The following GPR137B variants were observed in gnomAD, a reference collection of about 807,000 sequenced individuals.
The protein encoded by GPR137B is integral membrane protein GPR137B.
Under a neutral mutation model 42.5 loss-of-function variants are expected in GPR137B, and 42 were observed. The observed-to-expected ratio is 0.99, with a 90% CI of 0.77 to 1.28. GPR137B has a LOEUF of 1.28. Among genes scored for constraint, GPR137B ranks in the 50% most tolerant of loss-of-function variants. The probability of loss-of-function intolerance (pLI) is 0.00; values close to 1 mark genes in which losing one functional copy is unlikely to be tolerated. For synonymous variants in GPR137B, 218 were observed against 209.7 expected (o/e 1.04, Z -0.34); for missense variants, 487 against 493.9 (o/e 0.99, Z 0.13).
At chr1:236,169,204 G>GCAGGTGCAGGTA in intron 2 of GPR137B, among the ~76,000 whole-genome samples, 1 of 138,980 alleles carries the variant, frequency 7.2e-6, no homozygotes, top group Non-Finnish European at 1.5e-5. Context: ...AGGTGCAGGT[G>GCAGGTGCAGGTA]CAGGTGCAGG....
chr1:236,155,843 T>C lies in GPR137B; in HGVS notation c.414+12807T>C, dbSNP rs73121072. Among the ~76,000 whole-genome samples, 3,430 of 152,280 alleles carry C rather than the reference T, an allele frequency of 0.023. 134 individuals carry two copies. The highest frequency in any genetic ancestry group is 0.079 in the African/African-American group (3,269 of 41,550). On this transcript the variant is annotated intron_variant, in intron 1 of 6. Coordinates refer to ENST00000366592, the MANE Select transcript of GPR137B (RefSeq NM_003272.4). This position sits in a 1 kb window ranked among gnomAD's most constrained non-coding sequence, Gnocchi z 4.6. ...TATAAAGGTAAAGACTGTTATCCCA[T>C]TATCACTTATGAAATGAGGAATGCC...
intron 4 of GPR137B, chr1:236,180,264 T>C: frequency 2.4e-6 from 1 of 411,788 alleles, no homozygotes; most frequent in Non-Finnish European, 4.4e-6. Context: ...TATACTACAT[T>C]GTTTGAAAAT....
chr1:236,160,007 C>G (rs1392819792), intron 1 of GPR137B, among the ~76,000 whole-genome samples: 1 of 152,176 alleles, frequency 6.6e-6, no homozygotes, highest in East Asian at 1.9e-4. Context: ...CCAGCATCAC[C>G]CACAGCGTCA....
intron 5 of GPR137B, among the ~76,000 whole-genome samples, chr1:236,189,234 C>T (rs12040917): frequency 0.14 from 21,307 of 152,008 alleles, 1,628 homozygotes; most frequent in East Asian, 0.21. Context: ...GTCTGGCTAG[C>T]GGTTTATCCA....
At chr1:236,173,416 G>GGA (rs1553363540) in intron 2 of GPR137B, among the ~76,000 whole-genome samples, 138 of 149,026 alleles carry the variant, frequency 9.3e-4, no homozygotes, top group Middle Eastern at 3.5e-3. Flanking sequence ...GAGAGAGAGA[G>GGA]AGGAAGGAGG....
chr1:236,184,426 CTT>C (rs1662964496), intron 5 of GPR137B, among the ~76,000 whole-genome samples: 1 of 152,262 alleles, frequency 6.6e-6, no homozygotes, highest in South Asian at 2.1e-4. Context: ...ATATGAATGT[CTT>C]TATGGGACAG....
Position 236,171,418 on chromosome 1 carries a change from TAGG to T in GPR137B, c.464+2669_464+2671del, listed in dbSNP as rs1157084468. ...GTCAAAGCATGAGTGAAGATGGGCA[TAGG>T]AGGAGAACATTCTGTCTGATCGGAC... is the stretch of plus-strand genomic sequence containing the variant. On this transcript the variant is annotated intron_variant, in intron 2 of 6. Coordinates refer to ENST00000366592, the MANE Select transcript of GPR137B (RefSeq NM_003272.4). This position sits in a 1 kb window ranked among gnomAD's most constrained non-coding sequence, Gnocchi z 4.4. Among the ~76,000 whole-genome samples, 1 of 152,164 alleles carries T rather than the reference TAGG, an allele frequency of 6.6e-6. No individual in the cohort carries two copies. Among genetic ancestry groups the T allele is most frequent in the Non-Finnish European group, 1.5e-5 (1 of 68,022 alleles).
At chr1:236,151,336 C>T (rs147445725) in intron 1 of GPR137B, among the ~76,000 whole-genome samples, 1 of 151,826 alleles carries the variant, frequency 6.6e-6, no homozygotes, top group East Asian at 1.9e-4. Context: ...TGGTTTTACT[C>T]TGCAAGTGGG....
At chr1:236,160,452 C>A (rs576122598) in intron 1 of GPR137B, among the ~76,000 whole-genome samples, 3 of 152,226 alleles carry the variant, frequency 2.0e-5, no homozygotes, top group South Asian at 4.2e-4. Flanking sequence ...CCCTCAGACC[C>A]CTCCTTGCTG....
intron 1 of GPR137B, among the ~76,000 whole-genome samples, chr1:236,159,616 GAA>G (rs141919324): frequency 7.0e-6 from 1 of 143,042 alleles, no homozygotes. Flanking sequence ...GAGGTTGCAG[GAA>G]AAAAAAAAAG....
chr1:236,147,194 G>A (rs1323704292), intron 1 of GPR137B, among the ~76,000 whole-genome samples: 1 of 152,214 alleles, frequency 6.6e-6, no homozygotes. Flanking sequence ...TGCAGGGCTT[G>A]GTGCAGAGGG....
At chr1:236,186,243 A>ATATTATATAT (rs1491210340) in intron 5 of GPR137B, among the ~76,000 whole-genome samples, 129 of 46,630 alleles carry the variant, frequency 2.8e-3, no homozygotes, top group Non-Finnish European at 4.2e-3. Flanking sequence ...ATAATAATAT[A>ATATTATATAT]AATAATATAT....
At chr1:236,176,904 A>T (rs1030146935) in intron 2 of GPR137B, among the ~76,000 whole-genome samples, 97 of 152,200 alleles carry the variant, frequency 6.4e-4, no homozygotes, top group African/African-American at 2.3e-3. Context: ...TTTGTTATAA[A>T]CTGTGATAAG....
intron 5 of GPR137B, among the ~76,000 whole-genome samples, chr1:236,188,786 G>A (rs1418478891): frequency 6.6e-6 from 1 of 152,016 alleles, no homozygotes; most frequent in Non-Finnish European, 1.5e-5. Flanking sequence ...TTTTCTTTTT[G>A]TTGTTGTGTC....
Position 236,206,576 on chromosome 1 carries a change from C to T in GPR137B, c.1091+1326C>T, listed in dbSNP as rs553860263. Among the ~76,000 whole-genome samples the T allele has an allele frequency of 3.9e-5, 6 of 152,240 alleles. No homozygotes were observed. In the East Asian group the frequency reaches 5.8e-4, roughly 15 times the overall value. On this transcript the variant is annotated intron_variant, in intron 6 of 6. Transcript: ENST00000366592. ...TAAGACAATACATGAACTACCAGTCCGCTGCCATCGCCTAATCTTCAGTGA... is the reference window on the plus strand; with the variant it reads ...TAAGACAATACATGAACTACCAGTCTGCTGCCATCGCCTAATCTTCAGTGA...
chr1:236,147,512 G>T (rs1235021131), intron 1 of GPR137B, among the ~76,000 whole-genome samples: 1 of 152,142 alleles, frequency 6.6e-6, no homozygotes, highest in Non-Finnish European at 1.5e-5. Flanking sequence ...ACTCCCACTT[G>T]GCCACATGGG....
rs1329731810 is a variant in GPR137B, at chr1:236,186,269, T to TAA, written c.966+2363_966+2364insAA. On this transcript the variant is annotated intron_variant, in intron 5 of 6. Transcript: ENST00000366592. ...AATAATATATAATATATATTATATA[T>TAA]TATATATAATAATATAAATAATATA... 4.6e-3 allele frequency among the ~76,000 whole-genome samples: 319 copies of TAA among 69,958 alleles called. 71 individuals are homozygous for TAA. Among genetic ancestry groups the TAA allele is most frequent in the African/African-American group, 0.015 (262 of 17,222 alleles). 45.9% of individuals were successfully genotyped at this position (69,958 alleles called of 152,430 possible).
intron 1 of GPR137B, among the ~76,000 whole-genome samples, chr1:236,166,997 G>T (rs1053847478): frequency 6.6e-6 from 1 of 152,198 alleles, no homozygotes; most frequent in East Asian, 1.9e-4. Context: ...GAGCACCGGG[G>T]TTCAGGAGCT....
At chr1:236,196,502 G>A (rs758119849) in intron 5 of GPR137B, among the ~76,000 whole-genome samples, 1 of 152,128 alleles carries the variant, frequency 6.6e-6, no homozygotes, top group Non-Finnish European at 1.5e-5. Flanking sequence ...AATAGGTAGT[G>A]TTTGGTCACA....
Sources: allele counts gnomAD v4.1 joint callset (sites outside exome capture counted in the v4.1 genomes callset), GRCh38; gene constraint gnomAD v4.1.1; non-coding constraint Gnocchi (gnomAD v3.1); transcripts MANE v1.5; gene names NCBI Gene and HGNC (gene_info 2026-07-23, HGNC 2026-07-21).